NECTIN1: variants seen among roughly 807,000 people sequenced by gnomAD.
NECTIN1 encodes nectin-1.
In NECTIN1, 23 loss-of-function variants were observed where a neutral mutation model predicts 48.0. The observed-to-expected ratio is 0.48, with a 90% CI of 0.34 to 0.68. The LOEUF (loss-of-function observed/expected upper bound fraction) is 0.68. NECTIN1 is among the 30% of genes least tolerant of loss of function. NECTIN1 has a pLI of 0.01. For synonymous variants in NECTIN1, 270 were observed against 288.9 expected, an observed-to-expected ratio of 0.93 and a Z score of 0.66; for missense variants, 591 against 709.9, an observed-to-expected ratio of 0.83 and a Z score of 1.90.
chr11:119,688,604 T>C (rs1192703433), intron 1 of NECTIN1, among the ~76,000 whole-genome samples: 1 of 152,136 alleles, frequency 6.6e-6, no homozygotes, highest in African/African-American at 2.4e-5. Context: ...GTAAGACCAC[T>C]GGCCTAGAGG....
At chr11:119,703,899 C>T (rs11217415) in intron 1 of NECTIN1, among the ~76,000 whole-genome samples, 91,276 of 152,054 alleles carry the variant, frequency 0.6, 27,760 homozygotes, top group South Asian at 0.66. Context: ...ATGCCGGGCT[C>T]GGAACTGGCA....
intron 1 of NECTIN1, among the ~76,000 whole-genome samples, chr11:119,682,296 C>G: frequency 6.6e-6 from 1 of 152,136 alleles, no homozygotes; most frequent in East Asian, 1.9e-4. Context: ...AATCCTGGAA[C>G]AGGTGGGCCA....
chr11:119,662,286 A>G lies in NECTIN1; in HGVS notation c.*2461T>C. The G allele has an allele frequency of 1.0e-6, 1 of 985,584 alleles. No individual in the cohort carries two copies. Among genetic ancestry groups the G allele is most frequent in the Middle Eastern group, 5.2e-4 (1 of 1,914 alleles). The allele number at this position is 985,584 out of a possible 1,614,324, so 61.1% of individuals were successfully genotyped here. On this transcript the variant is annotated 3_prime_UTR_variant, in exon 6 of 6. Coordinates refer to ENST00000264025, the MANE Select transcript of NECTIN1 (RefSeq NM_002855.5). The surrounding 1 kb of genome is among the most constrained non-coding windows in gnomAD (Gnocchi z 5.3). ...AGCAGTAGTGCCCACCTTCCCACAA[A>G]CTTGGGGCACAGAAAACCTCACATC...
In NECTIN1 at chr11:119,672,189, A is replaced by G. The variant is rs1392207261; in HGVS notation, c.1003+2970T>C. ...AGACGCCCTGCACCCTGGGATGGAC[A>G]TCCTACACCCTGGCAGCCTCCCTGT... On this transcript the variant is annotated intron_variant, in intron 5 of 5. Coordinates refer to ENST00000264025, the MANE Select transcript of NECTIN1 (RefSeq NM_002855.5). The surrounding 1 kb of genome is among the most constrained non-coding windows in gnomAD (Gnocchi z 4.3). Among the ~76,000 whole-genome samples, 1 of 150,972 alleles carries G rather than the reference A, an allele frequency of 6.6e-6. No homozygotes were observed. The highest frequency in any genetic ancestry group is 1.5e-5 in the Non-Finnish European group (1 of 68,004).
At chr11:119,707,844 C>T (rs1865574361) in intron 1 of NECTIN1, among the ~76,000 whole-genome samples, 1 of 152,196 alleles carries the variant, frequency 6.6e-6, no homozygotes, top group African/African-American at 2.4e-5. Flanking sequence ...CACTCTTCTA[C>T]CCCTGCTTTA....
intron 5 of NECTIN1, chr11:119,641,029 C>T (rs1017878019): frequency 6.6e-6 from 1 of 152,192 alleles, no homozygotes; most frequent in African/African-American, 2.4e-5. Flanking sequence ...CACTCACTTA[C>T]TCACTCACTC....
intron 6 of NECTIN1, chr11:119,638,936 A>G: frequency 1.2e-6 from 1 of 817,030 alleles, no homozygotes; most frequent in South Asian, 1.5e-5. Context: ...CTTCCCAGGC[A>G]GCCTCCTGAG....
At chr11:119,689,524 G>A (rs1476623596) in intron 1 of NECTIN1, among the ~76,000 whole-genome samples, 2 of 152,260 alleles carry the variant, frequency 1.3e-5, no homozygotes, top group African/African-American at 4.8e-5. Context: ...GAGCTGCAAA[G>A]TGAGGGACTA....
chr11:119,705,364 T>C (rs1381010285), intron 1 of NECTIN1, among the ~76,000 whole-genome samples: 1 of 152,208 alleles, frequency 6.6e-6, no homozygotes, highest in Non-Finnish European at 1.5e-5. Context: ...GTTCTAGCAA[T>C]GGCAACCAGA....
chr11:119,643,748 G>A (rs187537037), intron 5 of NECTIN1, among the ~76,000 whole-genome samples: 3 of 152,312 alleles, frequency 2.0e-5, no homozygotes, highest in African/African-American at 2.4e-5. Flanking sequence ...TCCCAGCTCC[G>A]CAGGCTTGAG....
At chr11:119,658,014 A>T (rs1864603856), downstream of NECTIN1, among the ~76,000 whole-genome samples, 1 of 151,874 alleles carries the variant, frequency 6.6e-6, no homozygotes, top group Non-Finnish European at 1.5e-5. Flanking sequence ...GATTTTTAAA[A>T]ATCCCCAGAT....
chr11:119,689,013 G>A (rs536615201), intron 1 of NECTIN1, among the ~76,000 whole-genome samples: 1 of 152,082 alleles, frequency 6.6e-6, no homozygotes, highest in Non-Finnish European at 1.5e-5. Context: ...GGCTGCCAAG[G>A]TAGGGGCTGC....
rs953991975 is a variant in NECTIN1 at position 119,709,347 on chromosome 11, G to A, written c.79+19128C>T. 2.0e-5 allele frequency among the ~76,000 whole-genome samples: 3 copies of A among 152,116 alleles called. No individual in the cohort carries two copies. The highest frequency in any genetic ancestry group is 4.4e-5 in the Non-Finnish European group (3 of 68,010). On this transcript the variant is annotated intron_variant, in intron 1 of 5. Transcript: ENST00000264025. The surrounding 1 kb of genome is among the most constrained non-coding windows in gnomAD (Gnocchi z 4.1). ...ATCTGGGATCACCAGCTCCACATCCGGGCCCAGGGCGCCTCTGTCTGCCAC... is the reference window on the plus strand; with the variant it reads ...ATCTGGGATCACCAGCTCCACATCCAGGCCCAGGGCGCCTCTGTCTGCCAC...
intron 1 of NECTIN1, among the ~76,000 whole-genome samples, chr11:119,717,939 C>G (rs1393686849): frequency 6.6e-6 from 1 of 152,270 alleles, no homozygotes; most frequent in African/African-American, 2.4e-5. Flanking sequence ...TCACATAGCT[C>G]TGGCTTGTGT....
intron 5 of NECTIN1, among the ~76,000 whole-genome samples, chr11:119,646,422 G>A (rs1193097971): frequency 6.6e-6 from 1 of 152,236 alleles, no homozygotes; most frequent in Non-Finnish European, 1.5e-5. Context: ...GCTGCTGACG[G>A]TAACGGGGAT....
At chr11:119,674,328 C>A in intron 5 of NECTIN1, 1 of 1,367,672 alleles carries the variant, frequency 7.3e-7, no homozygotes, top group African/African-American at 1.5e-5. Flanking sequence ...TGGCAGTTTA[C>A]CCCTGTGTGG....
intron 1 of NECTIN1, among the ~76,000 whole-genome samples, chr11:119,688,632 G>A (rs1210967071): frequency 6.6e-6 from 1 of 152,212 alleles, no homozygotes; most frequent in African/African-American, 2.4e-5. Context: ...TAAAGCTCAG[G>A]CAGGGATGGT....
chr11:119,664,264 G>C lies in NECTIN1; in HGVS notation c.*483C>G, dbSNP rs1414284424. 2.0e-6 allele frequency: 2 copies of C among 993,018 alleles called. No individual in the cohort carries two copies. The highest frequency in any genetic ancestry group is 3.5e-5 in the African/African-American group (2 of 57,378). 61.5% of individuals were successfully genotyped at this position (993,018 alleles called of 1,614,324 possible). On this transcript the variant is annotated 3_prime_UTR_variant, in exon 6 of 6. Coordinates refer to ENST00000264025, the MANE Select transcript of NECTIN1 (RefSeq NM_002855.5). ...CTCCCAGCTGCATCAGATTTCACTG[G>C]TGGGTGTTGGGTTCCCTCTAGCCGG...
chr11:119,682,138 T>C (rs1280228720), intron 1 of NECTIN1, among the ~76,000 whole-genome samples: 2 of 152,038 alleles, frequency 1.3e-5, no homozygotes, highest in East Asian at 3.9e-4. Context: ...GACTCAGGGT[T>C]GGGGAGAAGG....
Sources: gnomAD v4.1 joint callset for allele counts (sites outside exome capture counted in the v4.1 genomes callset) on GRCh38, gnomAD v4.1.1 for gene constraint, Gnocchi (gnomAD v3.1) non-coding constraint, MANE v1.5 for transcripts, NCBI Gene and HGNC (gene_info 2026-07-23, HGNC 2026-07-21) for gene names.